The following SRGAP2 variants were observed in gnomAD, a reference collection of about 807,000 sequenced individuals.
SRGAP2 encodes the protein SLIT-ROBO Rho GTPase activating protein 2, also known as SLIT-ROBO Rho GTPase-activating protein 2.
SRGAP2 carries 15 observed loss-of-function variants against 57.2 expected under a neutral mutation model. The ratio of observed to expected loss-of-function variants is 0.26; its 90% CI spans 0.18 to 0.40. SRGAP2 has a LOEUF of 0.40. SRGAP2 is among the 10% of genes least tolerant of loss of function. SRGAP2 has a pLI of 1.00. For missense variants in SRGAP2, 520 were observed against 669.6 expected (o/e 0.78, Z 2.47); for synonymous variants, 249 against 248.0 (o/e 1.00, Z -0.04).
chr1:206,272,963 G>C (rs1472545049), intron 2 of SRGAP2, among the ~76,000 whole-genome samples: 2 of 151,954 alleles, frequency 1.3e-5, no homozygotes, highest in African/African-American at 4.8e-5. Context: ...TTTCTAATTA[G>C]AAAAGCAACA....
At position 206,461,793 on chromosome 1, in the gene SRGAP2, C is replaced by T. The variant is rs1424931217; in HGVS notation, c.*373C>T. The T allele has an allele frequency of 9.9e-6, 2 of 201,992 alleles. No individual in the cohort carries two copies. Among genetic ancestry groups the T allele is most frequent in the African/African-American group, 4.6e-5 (2 of 43,202 alleles). The allele number at this position is 201,992 out of a possible 1,614,324, so 12.5% of individuals were successfully genotyped here. ...CCTTGACCAGATGGTTGGCTACTGCCATCCAGCTTTCAGTGGCATCTTGTT... is the reference window on the plus strand; with the variant it reads ...CCTTGACCAGATGGTTGGCTACTGCTATCCAGCTTTCAGTGGCATCTTGTT... On this transcript the variant is annotated 3_prime_UTR_variant, in exon 23 of 23. Coordinates refer to ENST00000573034, the MANE Select transcript of SRGAP2 (RefSeq NM_015326.5).
chr1:206,232,468 C>T (rs1191445600), intron 2 of SRGAP2, among the ~76,000 whole-genome samples: 44 of 140,092 alleles, frequency 3.1e-4, no homozygotes, highest in African/African-American at 1.1e-3. Context: ...CTTAAATATC[C>T]TGTGAGCTAA....
chr1:206,423,817 C>T (rs997659186), intron 13 of SRGAP2, among the ~76,000 whole-genome samples: 1 of 151,770 alleles, frequency 6.6e-6, no homozygotes, highest in Non-Finnish European at 1.5e-5. Context: ...CTGGCTGTGC[C>T]AGGCTGGAGT....
rs977558888 is a variant in SRGAP2 at position 206,461,146 on chromosome 1, A to G, written c.2942A>G (p.Lys981Arg). The G allele has an allele frequency of 1.3e-6, 1 of 780,672 alleles. No homozygotes were observed. Among genetic ancestry groups the G allele is most frequent in the East Asian group, 2.4e-5 (1 of 41,252 alleles). The allele number at this position is 780,672 out of a possible 1,614,324, so 48.4% of individuals were successfully genotyped here. ...DVVLDTLEPL[K>R]TSPVVAPTSE... is the part of the protein sequence containing the mutation. ...GTTCTGGACACCTTGGAGCCCCTCA[A>G]AACCTCCCCAGTGGTGGCCCCCACG... Residue 981 changes from lysine to arginine, a missense_variant, in exon 23 of 23, where the codon AAA (lysine) becomes AGA (arginine). Physicochemically the swap from Lys to Arg is conservative, Grantham distance 26. Around this residue, in one of 5 missense-constraint regions of SRGAP2, gnomAD observed 478 missense variants for 373.6 expected, o/e 1.28. Transcript: ENST00000573034.
At chr1:206,453,406 G>C in intron 20 of SRGAP2, 26 bp downstream of exon 20, 1 of 595,612 alleles carries the variant, frequency 1.7e-6, no homozygotes, top group Non-Finnish European at 3.1e-6. Flanking sequence ...GGCATCTTTG[G>C]GGGTGGTCCC....
intron 2 of SRGAP2, among the ~76,000 whole-genome samples, chr1:206,298,694 A>T (rs1210383738): frequency 3.3e-5 from 5 of 152,182 alleles, no homozygotes; most frequent in African/African-American, 1.2e-4. Context: ...TTTTAAAGAA[A>T]TTGGGTTCCT....
At chr1:206,221,444 T>C (rs1288343453) in intron 2 of SRGAP2, among the ~76,000 whole-genome samples, 3 of 152,088 alleles carry the variant, frequency 2.0e-5, no homozygotes, top group African/African-American at 7.2e-5. Context: ...GGGCTGAATC[T>C]GGTGAGGGCC....
intron 13 of SRGAP2, among the ~76,000 whole-genome samples, chr1:206,424,000 G>T (rs1450151195): frequency 7.2e-6 from 1 of 138,654 alleles, no homozygotes. Context: ...ACCATGTTGC[G>T]CAGGCTGGTC....
intron 2 of SRGAP2, among the ~76,000 whole-genome samples, chr1:206,296,081 A>C (rs1671572672): frequency 6.8e-6 from 1 of 146,742 alleles, no homozygotes; most frequent in African/African-American, 2.5e-5. Flanking sequence ...GACTTGTGTC[A>C]CTGAAAGGTC....
chr1:206,427,421 G>A (rs1660894326), intron 13 of SRGAP2, among the ~76,000 whole-genome samples: 1 of 152,140 alleles, frequency 6.6e-6, no homozygotes. Context: ...GATGGGTTTG[G>A]GGGTCATGAA....
chr1:206,456,864 C>T (rs1558456304), intron 21 of SRGAP2, among the ~76,000 whole-genome samples: 3 of 152,210 alleles, frequency 2.0e-5, no homozygotes, highest in African/African-American at 7.2e-5. Flanking sequence ...TCTTTCGCCC[C>T]TGGGCGCTCA....
intron 18 of SRGAP2, among the ~76,000 whole-genome samples, chr1:206,450,010 C>G (rs566197308): frequency 6.6e-6 from 1 of 152,174 alleles, no homozygotes; most frequent in Non-Finnish European, 1.5e-5. Context: ...TATCTGATGC[C>G]GAAACCCAGT....
At chr1:206,253,277 A>G (rs1410484191) in intron 2 of SRGAP2, among the ~76,000 whole-genome samples, 10 of 151,114 alleles carry the variant, frequency 6.6e-5, no homozygotes, top group Non-Finnish European at 1.2e-4. Flanking sequence ...GCTGCTTTTG[A>G]TAAAGTAGTC....
chr1:206,455,189 G>T, intron 21 of SRGAP2, 165 bp downstream of exon 21: 1 of 682,804 alleles, frequency 1.5e-6, no homozygotes. Flanking sequence ...GGACAGGGCT[G>T]AGGATGCTGC....
At chr1:206,220,104 CGT>C (rs1291978871) in intron 2 of SRGAP2, among the ~76,000 whole-genome samples, 11 of 145,142 alleles carry the variant, frequency 7.6e-5, no homozygotes, top group African/African-American at 2.8e-4. Context: ...TATGCATGCG[CGT>C]GTGCACGCAC....
At chr1:206,227,221 CT>C (rs1667331255) in intron 2 of SRGAP2, among the ~76,000 whole-genome samples, 1 of 151,242 alleles carries the variant, frequency 6.6e-6, no homozygotes, top group Middle Eastern at 3.4e-3. Flanking sequence ...GGGACTGTTT[CT>C]GTTTATCGTT....
intron 4 of SRGAP2, among the ~76,000 whole-genome samples, chr1:206,346,885 A>G (rs1489317735): frequency 6.6e-6 from 1 of 152,192 alleles, no homozygotes; most frequent in Non-Finnish European, 1.5e-5. Context: ...CCTTACCATA[A>G]TTTTATAAAG....
At chr1:206,210,493 T>C (rs1416854234) in intron 2 of SRGAP2, among the ~76,000 whole-genome samples, 6 of 137,464 alleles carry the variant, frequency 4.4e-5, no homozygotes, top group Admixed American at 1.5e-4. Flanking sequence ...GTAATTTCCA[T>C]CTGGAGCATT....
At chr1:206,226,029 AAAC>A (rs1667255102) in intron 2 of SRGAP2, among the ~76,000 whole-genome samples, 1 of 150,170 alleles carries the variant, frequency 6.7e-6, no homozygotes, top group South Asian at 2.2e-4. Context: ...GAGTTCAGCA[AAAC>A]ATGACTAGGT....
Sources: allele counts gnomAD v4.1 joint callset (sites outside exome capture counted in the v4.1 genomes callset), GRCh38; gene constraint gnomAD v4.1.1; regional missense constraint gnomAD v4.1.1; transcripts MANE v1.5; gene names NCBI Gene and HGNC (gene_info 2026-07-23, HGNC 2026-07-21).